Variants in ELMO1 observed in about 807,000 individuals in gnomAD.
ELMO1 encodes the protein engulfment and cell motility protein 1.
Under a neutral mutation model 98.9 loss-of-function variants are expected in ELMO1, and 26 were observed. The observed-to-expected ratio is 0.26, with a 90% CI of 0.19 to 0.36. The LOEUF is 0.36. Ranked by LOEUF, ELMO1 falls within the 10% of genes least tolerant of loss-of-function variation. The pLI is 1.00. For synonymous variants in ELMO1, 346 were observed against 346.0 expected, an observed-to-expected ratio of 1.00 and a Z score of 0.00; for missense variants, 627 against 935.2, an observed-to-expected ratio of 0.67 and a Z score of 4.30.
At chr7:37,049,709 C>A (rs181518874) in intron 15 of ELMO1, among the ~76,000 whole-genome samples, 12 of 152,028 alleles carry the variant, frequency 7.9e-5, no homozygotes, top group Admixed American at 7.2e-4. Context: ...CAAATGATAT[C>A]CAGGTGTTTG....
chr7:37,162,412 T>C (rs1434065907), intron 13 of ELMO1, among the ~76,000 whole-genome samples: 1 of 152,278 alleles, frequency 6.6e-6, no homozygotes, highest in Non-Finnish European at 1.5e-5. Flanking sequence ...TCCACACAAG[T>C]AGAATCATTT....
intron 4 of ELMO1, among the ~76,000 whole-genome samples, chr7:37,295,620 TACA>T (rs1430402720): frequency 6.6e-6 from 1 of 152,196 alleles, no homozygotes; most frequent in East Asian, 1.9e-4. Flanking sequence ...GTTACATTCT[TACA>T]ACAACCAAAA....
At chr7:37,150,502 T>TTTA (rs1044836884) in intron 13 of ELMO1, among the ~76,000 whole-genome samples, 7 of 151,972 alleles carry the variant, frequency 4.6e-5, no homozygotes, top group African/African-American at 1.7e-4. Context: ...CTATGCAACA[T>TTTA]TTATGTGCAT....
intron 6 of ELMO1, among the ~76,000 whole-genome samples, chr7:37,248,217 T>C (rs904406687): frequency 6.6e-6 from 1 of 151,922 alleles, no homozygotes; most frequent in African/African-American, 2.4e-5. Context: ...TGTGTGTGTG[T>C]CTCAATATAC....
intron 1 of ELMO1, among the ~76,000 whole-genome samples, chr7:37,355,498 T>C (rs1272090628): frequency 6.6e-6 from 1 of 152,212 alleles, no homozygotes; most frequent in Non-Finnish European, 1.5e-5. Flanking sequence ...AGAAAGGAAA[T>C]AATAACTTTG....
In ELMO1 at chr7:36,985,915, T is replaced by C. The variant is rs974911879; in HGVS notation, c.1437+27384A>G. On this transcript the variant is annotated intron_variant, in intron 16 of 21. Transcript: ENST00000310758. ...GTGGACACATGTGTGAGACGGAGGTTTACTCACCAAGCTCCCGTAAGTCCA... is the reference window on the plus strand; with the variant it reads ...GTGGACACATGTGTGAGACGGAGGTCTACTCACCAAGCTCCCGTAAGTCCA... 4 of 1,002,752 alleles carry C rather than the reference T, an allele frequency of 4.0e-6. No individual in the cohort carries two copies. The African/African-American group carries it at 7.0e-5, about 17-fold the overall frequency. The allele number at this position is 1,002,752 out of a possible 1,614,324, so 62.1% of individuals were successfully genotyped here. A position where few individuals can be genotyped will look rare whatever the true frequency, so the allele number is the denominator to read the frequency against.
intron 14 of ELMO1, among the ~76,000 whole-genome samples, chr7:37,118,247 T>A (rs1327088653): frequency 6.6e-6 from 1 of 152,184 alleles, no homozygotes; most frequent in Non-Finnish European, 1.5e-5. Context: ...TTCCCTTCAA[T>A]GCATACTGTT....
At position 37,216,516 on chromosome 7, in the gene ELMO1, A is replaced by C. The variant is rs1030671475; in HGVS notation, c.831+129T>G. On this transcript the variant is annotated intron_variant, in intron 11 of 21. Transcript: ENST00000310758. ...CCAAAAACTCACTTTTTCCTTCATT[A>C]GAGTTCCTACTGCTTCACCACAGAA... is the stretch of plus-strand genomic sequence containing the variant. 6 of 1,056,148 alleles carry C rather than the reference A, an allele frequency of 5.7e-6. No individual in the cohort carries two copies. In the African/African-American group the frequency reaches 9.6e-5, roughly 17 times the overall value. The allele number at this position is 1,056,148 out of a possible 1,614,324, so 65.4% of individuals were successfully genotyped here. A position where few individuals can be genotyped will look rare whatever the true frequency, so the allele number is the denominator to read the frequency against.
chr7:37,177,788 C>T (rs544740305), intron 13 of ELMO1, among the ~76,000 whole-genome samples: 1 of 152,232 alleles, frequency 6.6e-6, no homozygotes, highest in African/African-American at 2.4e-5. Flanking sequence ...TATACTGGGA[C>T]CTAGAGAGGT....
At chr7:37,360,319 T>C (rs1238976807) in intron 1 of ELMO1, among the ~76,000 whole-genome samples, 1 of 152,024 alleles carries the variant, frequency 6.6e-6, no homozygotes, top group African/African-American at 2.4e-5. Flanking sequence ...AATGAGCTTA[T>C]TATGGCAAAG....
At chr7:37,177,385 A>G (rs1022248032) in intron 13 of ELMO1, among the ~76,000 whole-genome samples, 1 of 152,230 alleles carries the variant, frequency 6.6e-6, no homozygotes, top group African/African-American at 2.4e-5. Context: ...TTCTTTCAAT[A>G]GTTCTCAAAC....
chr7:37,412,467 ACATCATATATAC>A (rs1309399382), intron 1 of ELMO1, among the ~76,000 whole-genome samples: 1 of 152,258 alleles, frequency 6.6e-6, no homozygotes, highest in Non-Finnish European at 1.5e-5. Context: ...ACAGATGAAG[ACATCATATATAC>A]CATAGTTTAC....
chr7:37,124,690 C>T (rs1176479400), intron 14 of ELMO1, among the ~76,000 whole-genome samples: 1 of 152,066 alleles, frequency 6.6e-6, no homozygotes, highest in Non-Finnish European at 1.5e-5. Context: ...GAATCAATAT[C>T]ATGAAAATGG....
chr7:37,390,267 C>T (rs1195819919), intron 1 of ELMO1, among the ~76,000 whole-genome samples: 1 of 152,240 alleles, frequency 6.6e-6, no homozygotes, highest in Non-Finnish European at 1.5e-5. Flanking sequence ...AGCATTTCTT[C>T]ACAGCTGTCA....
intron 1 of ELMO1, among the ~76,000 whole-genome samples, chr7:37,421,188 T>A (rs1442207296): frequency 1.3e-5 from 2 of 152,218 alleles, no homozygotes; most frequent in African/African-American, 4.8e-5. Flanking sequence ...GATGTTCATA[T>A]CTCTGACAGC....
At chr7:37,162,103 T>C (rs185470048) in intron 13 of ELMO1, among the ~76,000 whole-genome samples, 41 of 150,300 alleles carry the variant, frequency 2.7e-4, no homozygotes, top group African/African-American at 8.3e-4. Flanking sequence ...TGGAACTAAG[T>C]AAATTTAATG....
chr7:36,926,476 A>G (rs1785585243), intron 16 of ELMO1, among the ~76,000 whole-genome samples: 1 of 152,054 alleles, frequency 6.6e-6, no homozygotes, highest in Non-Finnish European at 1.5e-5. Context: ...CGACCCCCCT[A>G]GAGTCCCATG....
intron 15 of ELMO1, among the ~76,000 whole-genome samples, chr7:37,038,164 A>C (rs1474564585): frequency 6.6e-6 from 1 of 152,166 alleles, no homozygotes; most frequent in Non-Finnish European, 1.5e-5. Flanking sequence ...TCCCCTTGAC[A>C]ACAACTTCCC....
At chr7:37,417,452 C>T (rs1190409427) in intron 1 of ELMO1, among the ~76,000 whole-genome samples, 1 of 152,116 alleles carries the variant, frequency 6.6e-6, no homozygotes, top group Non-Finnish European at 1.5e-5. Flanking sequence ...ACGAGGTCAG[C>T]AGATCGAGAC....
Sources: allele counts gnomAD v4.1 joint callset (sites outside exome capture counted in the v4.1 genomes callset), GRCh38; gene constraint gnomAD v4.1.1; transcripts MANE v1.5; gene names NCBI Gene and HGNC (gene_info 2026-07-23, HGNC 2026-07-21).